Variants in DAZ2 observed in about 807,000 individuals in gnomAD.
DAZ2 encodes the protein deleted in azoospermia 2.
For synonymous variants in DAZ2, 1 was observed against 1.6 expected (o/e 0.62, Z 0.29); for missense variants, 1 against 5.0 (o/e 0.20, Z 0.76).
intron 15 of DAZ2, chrY:23,249,637 G>T (rs1207349407): frequency 1.7e-4 from 5 of 28,892 alleles, no homozygotes; most frequent in Admixed American, 3.6e-4. Flanking sequence ...TGACGTTAAG[G>T]GAATTAGCCA....
intron 26 of DAZ2, among the ~76,000 whole-genome samples, chrY:23,284,087 G>A (rs2090106423): frequency 3.2e-4 from 2 of 6,277 alleles, no homozygotes; most frequent in Non-Finnish European, 4.6e-4. Context: ...TCTGGAAATG[G>A]CCCACAAAAG....
chrY:23,229,616 CA>C lies in DAZ2; in HGVS notation c.518del (p.His173LeufsTer477), dbSNP rs758644502. On this transcript the variant is annotated frameshift_variant, in exon 7 of 28. Transcript: ENST00000382440. LOFTEE classifies it high-confidence loss of function. ...QHVQAYSAYP[H>X]SPGQVITGCQ... Reference sequence around the variant, plus strand: ...TTTTCAGGCTTATTCTGCTTATCCACATTCACCAGGTCAGGTCATCACTGGA... The same window carrying C: ...TTTTCAGGCTTATTCTGCTTATCCACTTCACCAGGTCAGGTCATCACTGGA... 2.7e-6 allele frequency: 1 copy of C among 374,756 alleles called. No homozygotes were observed. The highest frequency in any genetic ancestry group is 3.7e-6 in the Non-Finnish European group (1 of 270,796). The allele number at this position is 374,756 out of a possible 400,897, so 93.5% of individuals were successfully genotyped here.
intron 10 of DAZ2, among the ~76,000 whole-genome samples, chrY:23,237,844 T>C: frequency 8.4e-5 from 1 of 11,894 alleles, no homozygotes; most frequent in Non-Finnish European, 1.4e-4. Flanking sequence ...TAAACTCCCA[T>C]GGCAGCAACA....
chrY:23,249,688 C>CT, intron 15 of DAZ2: 1 of 26,749 alleles, frequency 3.7e-5, no homozygotes, highest in Non-Finnish European at 4.6e-5. Flanking sequence ...TTTCCATGTC[C>CT]TATATGCCTA....
intron 15 of DAZ2, chrY:23,249,583 C>A (rs1382083500): frequency 1.1e-4 from 2 of 18,849 alleles, no homozygotes; most frequent in Non-Finnish European, 1.3e-4. Flanking sequence ...TTTAAAGATG[C>A]CACCTTAGGG....
chrY:23,229,630 G>A lies in DAZ2; in HGVS notation c.531G>A (p.Gln177=). The A allele has an allele frequency of 2.7e-6, 1 of 377,211 alleles. No homozygotes were observed. The highest frequency in any genetic ancestry group is 3.7e-6 in the Non-Finnish European group (1 of 271,331). The allele number at this position is 377,211 out of a possible 400,897, so 94.1% of individuals were successfully genotyped here. The change falls in exon 7 of 28, where the codon CAG becomes CAA. Residue 177 remains glutamine (Q), a synonymous_variant. Coordinates refer to ENST00000382440, the MANE Select transcript of DAZ2 (RefSeq NM_001389303.1). ...AYSAYPHSPG[Q]VITGCQLLVY... ...CTGCTTATCCACATTCACCAGGTCA[G>A]GTCATCACTGGATGTCAGTTGCTTG...
intron 26 of DAZ2, among the ~76,000 whole-genome samples, chrY:23,284,116 A>AT (rs2090106465): frequency 1.2e-4 from 1 of 8,223 alleles, no homozygotes; most frequent in Non-Finnish European, 1.8e-4. Context: ...CTAATTTTGA[A>AT]TTTTTTTTAC....
chrY:23,229,641 G>T lies in DAZ2; in HGVS notation c.542G>T (p.Gly181Val). Residue 181 changes from glycine to valine, a missense_variant, in exon 7 of 28, where the codon GGA becomes GTA. Coordinates refer to ENST00000382440, the MANE Select transcript of DAZ2 (RefSeq NM_001389303.1). ...YPHSPGQVIT[G>V]CQLLVYNYQE... Reference sequence around the variant, plus strand: ...CATTCACCAGGTCAGGTCATCACTGGATGTCAGTTGCTTGTATATAATTAT... The same window carrying T: ...CATTCACCAGGTCAGGTCATCACTGTATGTCAGTTGCTTGTATATAATTAT... The T allele has an allele frequency of 2.7e-6, 1 of 375,134 alleles. No homozygotes were observed. The highest frequency in any genetic ancestry group is 3.7e-6 in the Non-Finnish European group (1 of 270,572). The allele number at this position is 375,134 out of a possible 400,897, so 93.6% of individuals were successfully genotyped here. A position where few individuals can be genotyped will look rare whatever the true frequency, so the allele number is the denominator to read the frequency against.
At chrY:23,249,612 G>A in intron 15 of DAZ2, 1 of 28,545 alleles carries the variant, frequency 3.5e-5, no homozygotes, top group Non-Finnish European at 4.4e-5. Flanking sequence ...GGGAGCAAAG[G>A]GATTATGTTG....
intron 10 of DAZ2, among the ~76,000 whole-genome samples, chrY:23,237,801 T>G (rs2090094664): frequency 2.2e-4 from 3 of 13,377 alleles, no homozygotes; most frequent in Non-Finnish European, 3.7e-4. Flanking sequence ...TTAATTTTTT[T>G]TTGTTGTTGT....
intron 6 of DAZ2, 44 bp from the exon 7 acceptor site, chrY:23,229,552 ATG>A: frequency 3.1e-6 from 1 of 320,306 alleles, no homozygotes; most frequent in South Asian, 3.6e-5. Context: ...GTTAAAGAAA[ATG>A]TTTTACCGTA....
intron 15 of DAZ2, chrY:23,249,556 T>C: frequency 2.5e-4 from 1 of 3,952 alleles, no homozygotes; most frequent in Non-Finnish European, 3.7e-4. Context: ...TTTGGTTTCC[T>C]TTTTTTTTTT....
chrY:23,249,582 G>A, intron 15 of DAZ2: 1 of 15,349 alleles, frequency 6.5e-5, no homozygotes, highest in Non-Finnish European at 7.8e-5. Context: ...TTTTAAAGAT[G>A]CCACCTTAGG....
intron 18 of DAZ2, among the ~76,000 whole-genome samples, chrY:23,256,917 A>AC (rs2090097606): frequency 3.8e-5 from 1 of 26,477 alleles, no homozygotes; most frequent in Admixed American, 4.0e-4. Context: ...TTTCTTGTTA[A>AC]CCCGAGTATA....
intron 26 of DAZ2, among the ~76,000 whole-genome samples, chrY:23,283,634 CAA>C: frequency 6.0e-5 from 1 of 16,743 alleles, no homozygotes; most frequent in South Asian, 1.5e-3. Context: ...AGGAATAAAA[CAA>C]GAGTATTACC....
rs2090092126 is a variant in DAZ2, at chrY:23,229,631, G to GTCA, written c.536_538dup (p.Ile179dup). On this transcript the variant is annotated inframe_insertion, in exon 7 of 28. Transcript: ENST00000382440. ...TGCTTATCCACATTCACCAGGTCAGGTCATCACTGGATGTCAGTTGCTTGT... is the reference window on the plus strand; with the variant it reads ...TGCTTATCCACATTCACCAGGTCAGGTCATCATCACTGGATGTCAGTTGCTTGT... 2.7e-6 allele frequency: 1 copy of GTCA among 372,717 alleles called. No homozygotes were observed. The highest frequency in any genetic ancestry group is 3.2e-5 in the South Asian group (1 of 31,594). 93.0% of individuals were successfully genotyped at this position (372,717 alleles called of 400,897 possible). A position where few individuals can be genotyped will look rare whatever the true frequency, so the allele number is the denominator to read the frequency against.
At chrY:23,237,596 C>T (rs2090094562) in intron 10 of DAZ2, among the ~76,000 whole-genome samples, 1 of 3,506 alleles carries the variant, frequency 2.9e-4, no homozygotes, top group Admixed American at 2.5e-3. Context: ...AAATGTGTAG[C>T]AATACTTCAA....
Sources: allele counts gnomAD v4.1 joint callset (sites outside exome capture counted in the v4.1 genomes callset), GRCh38; gene constraint gnomAD v4.1.1; transcripts MANE v1.5; gene names NCBI Gene and HGNC (gene_info 2026-07-23, HGNC 2026-07-21).